The following DPYD variants were observed in gnomAD, a reference collection of about 807,000 sequenced individuals.
The protein encoded by DPYD is dihydropyrimidine dehydrogenase.
In DPYD, 109 loss-of-function variants were observed where a neutral mutation model predicts 116.2. The ratio of observed to expected loss-of-function variants is 0.94; its 90% confidence interval spans 0.80 to 1.10. The LOEUF (loss-of-function observed/expected upper bound fraction) is 1.10, where lower values mean the gene tolerates loss of function less well. Ranked by LOEUF, DPYD falls within the 50% of genes least tolerant of loss-of-function variation. DPYD has a pLI of 0.00. For missense variants in DPYD, 1,302 were observed against 1,254.5 expected, an observed-to-expected ratio of 1.04 and a Z score of -0.57; for synonymous variants, 440 against 432.0, an observed-to-expected ratio of 1.02 and a Z score of -0.23.
intron 13 of DPYD, among the ~76,000 whole-genome samples, chr1:97,467,237 A>C (rs1443269022): frequency 6.6e-6 from 1 of 152,210 alleles, no homozygotes; most frequent in Non-Finnish European, 1.5e-5. Flanking sequence ...CTGAACTTTG[A>C]CCAAAGTTCT....
intron 20 of DPYD, among the ~76,000 whole-genome samples, chr1:97,150,947 T>C (rs1403532181): frequency 6.6e-6 from 1 of 152,212 alleles, no homozygotes; most frequent in Non-Finnish European, 1.5e-5. Context: ...TTTTTGTTGT[T>C]GGTCTGGAAA....
chr1:97,651,382 C>T (rs1009336813), intron 8 of DPYD, among the ~76,000 whole-genome samples: 1 of 152,052 alleles, frequency 6.6e-6, no homozygotes, highest in Non-Finnish European at 1.5e-5. Flanking sequence ...TCACATGTTG[C>T]ATCTCATTTA....
chr1:97,495,092 G>T (rs1276036145), intron 13 of DPYD, among the ~76,000 whole-genome samples: 2 of 152,244 alleles, frequency 1.3e-5, no homozygotes, highest in African/African-American at 4.8e-5. Flanking sequence ...GTTCCAAAGG[G>T]ACAAATATTT....
intron 20 of DPYD, among the ~76,000 whole-genome samples, chr1:97,143,564 T>C (rs1233800671): frequency 1.3e-5 from 2 of 152,128 alleles, no homozygotes; most frequent in Non-Finnish European, 2.9e-5. Flanking sequence ...TAGACCCTTC[T>C]ACCTACAGAC....
At chr1:97,298,861 C>G (rs1666696099) in intron 18 of DPYD, among the ~76,000 whole-genome samples, 1 of 152,108 alleles carries the variant, frequency 6.6e-6, no homozygotes, top group Non-Finnish European at 1.5e-5. Context: ...ACAGCTGCCT[C>G]AACTAGGACT....
At chr1:97,671,412 T>C (rs1197113629) in intron 8 of DPYD, among the ~76,000 whole-genome samples, 1 of 152,162 alleles carries the variant, frequency 6.6e-6, no homozygotes, top group Non-Finnish European at 1.5e-5. Flanking sequence ...ATGTAATACT[T>C]GACATAATTA....
intron 2 of DPYD, among the ~76,000 whole-genome samples, chr1:97,849,446 T>A (rs1490258560): frequency 6.6e-6 from 1 of 152,190 alleles, no homozygotes; most frequent in East Asian, 1.9e-4. Context: ...GTGCTTTATA[T>A]GTCTTAATTT....
intron 18 of DPYD, among the ~76,000 whole-genome samples, chr1:97,247,783 CAACT>C (rs1662820115): frequency 6.6e-6 from 1 of 152,058 alleles, no homozygotes; most frequent in Non-Finnish European, 1.5e-5. Context: ...ATGCAAAACA[CAACT>C]AACCAAAATT....
chr1:97,145,891 CT>C (rs1654589745), intron 20 of DPYD, among the ~76,000 whole-genome samples: 1 of 151,642 alleles, frequency 6.6e-6, no homozygotes, highest in Admixed American at 6.6e-5. Flanking sequence ...GAATACATTG[CT>C]TTTTTAATAG....
At chr1:97,608,562 G>A (rs1382519140) in intron 8 of DPYD, among the ~76,000 whole-genome samples, 1 of 151,880 alleles carries the variant, frequency 6.6e-6, no homozygotes, top group Non-Finnish European at 1.5e-5. Context: ...GCTTTGTGAT[G>A]TATGGCAAAT....
intron 4 of DPYD, among the ~76,000 whole-genome samples, chr1:97,735,696 AAATAAAT>A (rs1663896791): frequency 6.9e-6 from 1 of 144,926 alleles, no homozygotes; most frequent in Non-Finnish European, 1.5e-5. Context: ...ATAAATAAAT[AAATAAAT>A]AAATAAATAA....
chr1:97,101,727 A>G (rs763624926), intron 20 of DPYD, among the ~76,000 whole-genome samples: 5 of 152,060 alleles, frequency 3.3e-5, no homozygotes, highest in Non-Finnish European at 7.4e-5. Flanking sequence ...CTTACAGAAA[A>G]GTTGTAGCCT....
At chr1:97,699,197 A>G (rs907193836) in intron 6 of DPYD, among the ~76,000 whole-genome samples, 154 bp downstream of exon 6, 8 of 152,164 alleles carry the variant, frequency 5.3e-5, no homozygotes, top group African/African-American at 1.9e-4. Flanking sequence ...TTTAAAGTGA[A>G]TAATGTAATC....
At chr1:97,201,775 G>A (rs1386136955) in intron 19 of DPYD, among the ~76,000 whole-genome samples, 1 of 152,130 alleles carries the variant, frequency 6.6e-6, no homozygotes, top group East Asian at 1.9e-4. Context: ...AAATCAAAGT[G>A]AGAGTTTCTA....
chr1:97,256,018 G>T (rs890501575), intron 18 of DPYD, among the ~76,000 whole-genome samples: 1 of 152,058 alleles, frequency 6.6e-6, no homozygotes, highest in African/African-American at 2.4e-5. Flanking sequence ...ATTTCTATAA[G>T]AAATTAGTAT....
At chr1:97,133,353 T>C (rs1653479606) in intron 20 of DPYD, among the ~76,000 whole-genome samples, 1 of 152,130 alleles carries the variant, frequency 6.6e-6, no homozygotes, top group South Asian at 2.1e-4. Flanking sequence ...AGCTTTATTT[T>C]ATTCTACTTT....
At chr1:97,171,016 C>G (rs868259726) in intron 20 of DPYD, among the ~76,000 whole-genome samples, 15 of 152,174 alleles carry the variant, frequency 9.9e-5, no homozygotes, top group South Asian at 6.2e-4. Flanking sequence ...ACTAGAAAAA[C>G]TAGTTTAATT....
Position 97,513,170 on chromosome 1 carries a change from A to G in DPYD, c.1740+2556T>C, listed in dbSNP as rs182418753. On this transcript the variant is annotated intron_variant, in intron 13 of 22. Coordinates refer to ENST00000370192, the MANE Select transcript of DPYD (RefSeq NM_000110.4). ...CTCAATCTGGCATCTACAAATGTCA[A>G]GAGTATAAAATATATATATATATAC... Among the ~76,000 whole-genome samples the G allele has an allele frequency of 3.1e-3, 472 of 151,752 alleles. 2 individuals carry two copies. The highest frequency in any genetic ancestry group is 6.8e-3 in the Middle Eastern group (2 of 294).
intron 3 of DPYD, among the ~76,000 whole-genome samples, chr1:97,778,212 GA>G (rs1356036084): frequency 1.5e-5 from 2 of 130,470 alleles, no homozygotes; most frequent in Non-Finnish European, 3.3e-5. Context: ...GAGAGAGAGA[GA>G]GAGAGAGGGA....
Sources: gnomAD v4.1 joint callset for allele counts (sites outside exome capture counted in the v4.1 genomes callset) on GRCh38, gnomAD v4.1.1 for gene constraint, MANE v1.5 for transcripts, NCBI Gene and HGNC (gene_info 2026-07-23, HGNC 2026-07-21) for gene names.